WDPCP: variants seen among roughly 807,000 people sequenced by gnomAD.
WDPCP encodes WD repeat-containing and planar cell polarity effector protein fritz homolog.
A neutral mutation model predicts 93.1 loss-of-function variants in WDPCP; 71 were observed. The observed-to-expected ratio is 0.76, with a 90% CI of 0.63 to 0.93. WDPCP has a LOEUF of 0.93. WDPCP is among the 40% of genes least tolerant of loss of function. The pLI is 0.00. For missense variants in WDPCP, 844 were observed against 887.4 expected (o/e 0.95, Z 0.62); for synonymous variants, 315 against 315.0 (o/e 1.00, Z 0.00).
chr2:63,533,354 C>T (rs372693910), intron 1 of WDPCP, among the ~76,000 whole-genome samples: 17 of 152,132 alleles, frequency 1.1e-4, no homozygotes, highest in Non-Finnish European at 1.8e-4. Context: ...CTGCACCAAG[C>T]GAACCTAATA....
At position 63,120,703 on chromosome 2, in the gene WDPCP, T is replaced by C. The variant is rs1669502364; in HGVS notation, c.*1303A>G. On this transcript the variant is annotated 3_prime_UTR_variant, in exon 18 of 18. Transcript: ENST00000272321. ...CACCACGCCCGGCTAATTTTTTTTT[T>C]TTTTGTATTTTTAGTAGAGACGGGG... is the stretch of plus-strand genomic sequence containing the variant. Among the ~76,000 whole-genome samples the C allele has an allele frequency of 6.6e-6, 1 of 151,386 alleles. No homozygotes were observed. The highest frequency in any genetic ancestry group is 1.5e-5 in the Non-Finnish European group (1 of 67,800).
At chr2:63,202,028 T>C (rs1354981764) in intron 14 of WDPCP, among the ~76,000 whole-genome samples, 1 of 150,692 alleles carries the variant, frequency 6.6e-6, no homozygotes, top group African/African-American at 2.4e-5. Context: ...CTTTTTTAAT[T>C]CAGTCCTTCC....
intron 3 of WDPCP, among the ~76,000 whole-genome samples, chr2:63,641,868 T>C (rs1440199648): frequency 1.3e-5 from 2 of 152,168 alleles, no homozygotes; most frequent in Non-Finnish European, 2.9e-5. Context: ...AATTTTTGCC[T>C]ACACCAATGT....
intron 6 of WDPCP, among the ~76,000 whole-genome samples, chr2:63,479,468 C>CA (rs1279838522): frequency 1.3e-5 from 2 of 152,054 alleles, no homozygotes; most frequent in Non-Finnish European, 2.9e-5. Context: ...TTCAACAACA[C>CA]ATCACAAGAT....
chr2:63,589,410 G>C (rs1222472953), upstream of WDPCP: 1 of 1,545,732 alleles, frequency 6.5e-7, no homozygotes, highest in South Asian at 1.2e-5. Context: ...GAAAGGTTGG[G>C]TCCTAACCCC....
intron 1 of WDPCP, among the ~76,000 whole-genome samples, chr2:63,824,925 GT>G (rs1671090076): frequency 6.6e-6 from 1 of 152,056 alleles, no homozygotes; most frequent in Non-Finnish European, 1.5e-5. Context: ...CAATATAACA[GT>G]TAATAATTGA....
At chr2:63,465,491 C>T (rs1291328287) in intron 6 of WDPCP, among the ~76,000 whole-genome samples, 1 of 152,058 alleles carries the variant, frequency 6.6e-6, no homozygotes, top group African/African-American at 2.4e-5. Flanking sequence ...TTCACAGTAC[C>T]ATTTGTGTCT....
intron 3 of WDPCP, among the ~76,000 whole-genome samples, chr2:63,639,212 G>A (rs758200746): frequency 2.7e-4 from 41 of 152,172 alleles, no homozygotes; most frequent in Non-Finnish European, 4.7e-4. Flanking sequence ...CTCCAGCCTG[G>A]GTGACAGAGT....
At chr2:63,493,188 T>C (rs1051147388) in intron 1 of WDPCP, among the ~76,000 whole-genome samples, 6 of 152,160 alleles carry the variant, frequency 3.9e-5, no homozygotes, top group Non-Finnish European at 7.3e-5. Flanking sequence ...GTAAGAAGAA[T>C]ATATATAGTA....
At chr2:63,594,703 T>C in intron 3 of WDPCP, 1 of 716,396 alleles carries the variant, frequency 1.4e-6, no homozygotes, top group East Asian at 2.8e-5. Context: ...TCCCAGTAAA[T>C]GTAATAGGCA....
chr2:63,605,471 C>G, intron 3 of WDPCP: 1 of 1,030,916 alleles, frequency 9.7e-7, no homozygotes, highest in East Asian at 2.5e-5. Flanking sequence ...AGAATATAGC[C>G]TTAGCAGTCA....
In WDPCP at chr2:63,566,380, G is replaced by A. The variant is rs529191102; in HGVS notation, c.75+21817C>T. Among the ~76,000 whole-genome samples, 312 of 152,250 alleles carry A rather than the reference G, an allele frequency of 2.0e-3. 15 individuals carry two copies. In the South Asian group the frequency reaches 0.062, roughly 30 times the overall value. On this transcript the variant is annotated intron_variant, in intron 1 of 17. Coordinates refer to ENST00000272321, the MANE Select transcript of WDPCP (RefSeq NM_015910.7). ...CTGGAAGCTCTCCCCACTTCTAGTC[G>A]TCCTGCCTTTGCTTCAAGTTGTCCT...
chr2:63,266,747 C>T (rs995081752), intron 13 of WDPCP, among the ~76,000 whole-genome samples: 51 of 151,998 alleles, frequency 3.4e-4, no homozygotes, highest in African/African-American at 1.1e-3. Flanking sequence ...TGGAGGCTGC[C>T]GTCAGTCAAG....
intron 2 of WDPCP, among the ~76,000 whole-genome samples, chr2:63,777,624 T>A (rs149792542): frequency 1.3e-5 from 2 of 152,174 alleles, no homozygotes; most frequent in African/African-American, 4.8e-5. Context: ...ACAATATGAA[T>A]GAATCTCAAA....
At chr2:63,831,683 G>GTA (rs146615119), upstream of WDPCP, among the ~76,000 whole-genome samples, 8,056 of 148,242 alleles carry the variant, frequency 0.054, 226 homozygotes, top group Middle Eastern at 0.12. Flanking sequence ...ATTTGTGTGT[G>GTA]TATATATATA....
chr2:63,220,815 G>T (rs1040099195), intron 14 of WDPCP, among the ~76,000 whole-genome samples: 5 of 152,036 alleles, frequency 3.3e-5, no homozygotes, highest in African/African-American at 1.2e-4. Context: ...TAGGTACTAA[G>T]CCCTGCATGC....
At chr2:63,434,568 G>A (rs1697004907) in intron 8 of WDPCP, among the ~76,000 whole-genome samples, 1 of 152,014 alleles carries the variant, frequency 6.6e-6, no homozygotes. Context: ...CATAAGCACG[G>A]CACCATCTGT....
At chr2:63,282,714 A>AG (rs1683665108) in intron 13 of WDPCP, among the ~76,000 whole-genome samples, 2 of 152,196 alleles carry the variant, frequency 1.3e-5, no homozygotes, top group South Asian at 4.1e-4. Flanking sequence ...GCAGTTCTCA[A>AG]TAATCAGAAG....
At chr2:63,452,568 T>C (rs1428368510) in intron 6 of WDPCP, among the ~76,000 whole-genome samples, 1 of 152,204 alleles carries the variant, frequency 6.6e-6, no homozygotes, top group African/African-American at 2.4e-5. Flanking sequence ...CCATTGACTT[T>C]CTTCACAGAA....
Sources: allele counts gnomAD v4.1 joint callset (sites outside exome capture counted in the v4.1 genomes callset), GRCh38; gene constraint gnomAD v4.1.1; transcripts MANE v1.5; gene names NCBI Gene and HGNC (gene_info 2026-07-23, HGNC 2026-07-21).